Variants in ZBTB7C observed in about 807,000 individuals in gnomAD.
The protein encoded by ZBTB7C is zinc finger and BTB domain-containing protein 7C.
Under a neutral mutation model 25.7 loss-of-function variants are expected in ZBTB7C, and 8 were observed. The observed-to-expected ratio is 0.31, with a 90% CI of 0.18 to 0.56. The LOEUF (loss-of-function observed/expected upper bound fraction) is 0.56, where lower values mean the gene tolerates loss of function less well. Ranked by LOEUF, ZBTB7C falls within the 20% of genes least tolerant of loss-of-function variation. The probability of loss-of-function intolerance (pLI) is 0.91; values close to 1 mark genes in which losing one functional copy is unlikely to be tolerated. For missense variants in ZBTB7C, 824 were observed against 855.2 expected, an observed-to-expected ratio of 0.96 and a Z score of 0.46; for synonymous variants, 394 against 369.0, an observed-to-expected ratio of 1.07 and a Z score of -0.78.
chr18:48,173,141 T>C (rs955039177), intron 3 of ZBTB7C, among the ~76,000 whole-genome samples: 1 of 152,198 alleles, frequency 6.6e-6, no homozygotes, highest in African/African-American at 2.4e-5. Context: ...TTGCTAATTT[T>C]CTATTCCTAC....
chr18:48,029,292 G>T lies in ZBTB7C; in HGVS notation c.1828C>A (p.His610Asn). ...TTGGCTTCGGACATGGAGGCCACGT[G>T]GTTGAGGCCGGCGAGCCCAGGGAGG... Reference protein sequence around the residue: ...AGLPGLAGLNHVASMSEANN With the variant: ...AGLPGLAGLNNVASMSEANN Residue 610 changes from histidine to asparagine, a missense_variant, in exon 5 of 5, where the codon CAC becomes AAC. Transcript: ENST00000590800. 1.3e-6 allele frequency: 2 copies of T among 1,538,544 alleles called. No homozygotes were observed. The highest frequency in any genetic ancestry group is 1.7e-6 in the Non-Finnish European group (2 of 1,148,614).
At chr18:48,162,739 C>T (rs1452118264) in intron 3 of ZBTB7C, among the ~76,000 whole-genome samples, 9 of 152,122 alleles carry the variant, frequency 5.9e-5, no homozygotes, top group Non-Finnish European at 1.0e-4. Flanking sequence ...GCCCATCTTC[C>T]GGGGCCAATG....
At chr18:48,136,206 C>A (rs1267513470) in intron 3 of ZBTB7C, among the ~76,000 whole-genome samples, 1 of 152,188 alleles carries the variant, frequency 6.6e-6, no homozygotes, top group African/African-American at 2.4e-5. Flanking sequence ...GACGCCGGCC[C>A]GGGCGCCCGC....
intron 3 of ZBTB7C, among the ~76,000 whole-genome samples, chr18:48,067,753 G>C (rs558743098): frequency 2.5e-4 from 38 of 152,322 alleles, no homozygotes; most frequent in African/African-American, 8.9e-4. Context: ...TGCAATCTCA[G>C]CAATTTGGGA....
chr18:48,202,697 C>T (rs1018102139), intron 2 of ZBTB7C, among the ~76,000 whole-genome samples: 2 of 151,884 alleles, frequency 1.3e-5, no homozygotes, highest in African/African-American at 2.4e-5. Flanking sequence ...CCCCGCCGCA[C>T]GCAGGCCATG....
chr18:48,178,559 C>A (rs1211443465), intron 3 of ZBTB7C, among the ~76,000 whole-genome samples: 1 of 152,122 alleles, frequency 6.6e-6, no homozygotes, highest in Non-Finnish European at 1.5e-5. Context: ...TCTTTAGGAG[C>A]CTGATCCAAC....
At chr18:48,055,030 G>A (rs927509129) in intron 3 of ZBTB7C, among the ~76,000 whole-genome samples, 1 of 152,126 alleles carries the variant, frequency 6.6e-6, no homozygotes. Context: ...GAAAATACCT[G>A]CTTTAGAGGG....
intron 3 of ZBTB7C, among the ~76,000 whole-genome samples, chr18:48,109,212 C>A (rs11663777): frequency 1.3e-5 from 2 of 152,038 alleles, no homozygotes; most frequent in Non-Finnish European, 2.9e-5. Flanking sequence ...GAGAACACAT[C>A]GAAGGGAATG....
At chr18:48,228,405 G>C (rs975433569) in intron 2 of ZBTB7C, among the ~76,000 whole-genome samples, 1 of 152,188 alleles carries the variant, frequency 6.6e-6, no homozygotes, top group African/African-American at 2.4e-5. Flanking sequence ...GCCTGGCACA[G>C]ACAGCACTGG....
chr18:48,230,226 CAG>C (rs1324060203), intron 2 of ZBTB7C, among the ~76,000 whole-genome samples: 1 of 152,180 alleles, frequency 6.6e-6, no homozygotes, highest in Non-Finnish European at 1.5e-5. Flanking sequence ...CTTCATCCAC[CAG>C]TCCTCTCCCC....
chr18:48,324,511 C>T (rs2046172357), intron 2 of ZBTB7C, among the ~76,000 whole-genome samples: 2 of 151,856 alleles, frequency 1.3e-5, no homozygotes, highest in South Asian at 2.1e-4. Flanking sequence ...TGTGTGGATA[C>T]CCCAAAAACT....
chr18:48,162,414 G>A (rs765679888), intron 3 of ZBTB7C: 26 of 456,514 alleles, frequency 5.7e-5, no homozygotes, highest in Non-Finnish European at 1.0e-4. Context: ...AATTGAGATA[G>A]TAATAGTATT....
intron 3 of ZBTB7C, among the ~76,000 whole-genome samples, chr18:48,055,646 C>T (rs1162397297): frequency 6.6e-6 from 1 of 152,098 alleles, no homozygotes; most frequent in African/African-American, 2.4e-5. Flanking sequence ...CCTGCCTTCA[C>T]TCTCCTGATA....
At chr18:48,396,443 T>C (rs2048030264) in intron 1 of ZBTB7C, among the ~76,000 whole-genome samples, 1 of 152,216 alleles carries the variant, frequency 6.6e-6, no homozygotes, top group Non-Finnish European at 1.5e-5. Flanking sequence ...AGGTGAGCTC[T>C]GAGTCCACCA....
chr18:48,114,282 G>A (rs8097306), intron 3 of ZBTB7C, among the ~76,000 whole-genome samples: 74,784 of 151,956 alleles, frequency 0.49, 18,802 homozygotes, highest in Middle Eastern at 0.57. Context: ...TCCCACTCTC[G>A]GACATGAGCT....
chr18:48,223,354 T>C (rs2043007342), intron 2 of ZBTB7C, among the ~76,000 whole-genome samples: 1 of 152,142 alleles, frequency 6.6e-6, no homozygotes, highest in Non-Finnish European at 1.5e-5. Flanking sequence ...TCTAGAAACA[T>C]ATCCTGGAAA....
chr18:48,384,964 G>A (rs1185545179), intron 1 of ZBTB7C, among the ~76,000 whole-genome samples: 1 of 152,228 alleles, frequency 6.6e-6, no homozygotes, highest in East Asian at 1.9e-4. Flanking sequence ...TTACAGGCAT[G>A]AGCCACCACG....
At chr18:48,323,383 C>T (rs541566202) in intron 2 of ZBTB7C, among the ~76,000 whole-genome samples, 1 of 152,124 alleles carries the variant, frequency 6.6e-6, no homozygotes, top group Non-Finnish European at 1.5e-5. Context: ...CTGGGGAAGG[C>T]GTTGTCCCTA....
intron 2 of ZBTB7C, among the ~76,000 whole-genome samples, chr18:48,279,824 T>C (rs1289719005): frequency 2.6e-5 from 4 of 152,200 alleles, no homozygotes; most frequent in African/African-American, 7.2e-5. Flanking sequence ...TGCACTGAGT[T>C]TGCCTTGACA....
Sources: gnomAD v4.1 joint callset for allele counts (sites outside exome capture counted in the v4.1 genomes callset) on GRCh38, gnomAD v4.1.1 for gene constraint, MANE v1.5 for transcripts, NCBI Gene and HGNC (gene_info 2026-07-23, HGNC 2026-07-21) for gene names.